Variants in CDIN1 observed in about 807,000 individuals in gnomAD.
CDIN1 encodes the protein CDAN1-interacting nuclease 1.
CDIN1 carries 33 observed loss-of-function variants against 45.3 expected under a neutral mutation model. The ratio of observed to expected loss-of-function variants is 0.73; its 90% CI spans 0.55 to 0.97. The LOEUF (loss-of-function observed/expected upper bound fraction) is 0.97. Ranked by LOEUF, CDIN1 falls within the 50% of genes least tolerant of loss-of-function variation. CDIN1 has a pLI of 0.00. For synonymous variants in CDIN1, 118 were observed against 124.4 expected (o/e 0.95, Z 0.34); for missense variants, 303 against 339.4 (o/e 0.89, Z 0.84).
At chr15:36,639,372 A>G (rs2040018296) in intron 1 of CDIN1, among the ~76,000 whole-genome samples, 1 of 110,864 alleles carries the variant, frequency 9.0e-6, no homozygotes, top group Non-Finnish European at 1.9e-5. Context: ...TTGGGAGGCC[A>G]AGGTGGGGGA....
chr15:36,680,064 C>T (rs1044228460), intron 5 of CDIN1, among the ~76,000 whole-genome samples: 1 of 152,176 alleles, frequency 6.6e-6, no homozygotes, highest in African/African-American at 2.4e-5. Flanking sequence ...GTCTTCTTTC[C>T]CAAGCTTGAT....
chr15:36,609,226 G>T (rs1309725425), intron 1 of CDIN1, among the ~76,000 whole-genome samples: 2 of 152,134 alleles, frequency 1.3e-5, no homozygotes, highest in African/African-American at 4.8e-5. Context: ...TTGTTATCCA[G>T]GCTGGTCATA....
intron 10 of CDIN1, chr15:36,798,628 C>T (rs1566981893): frequency 6.6e-6 from 1 of 152,106 alleles, no homozygotes; most frequent in East Asian, 1.9e-4. Context: ...TTTAAGCAGA[C>T]TTTTATATAT....
chr15:36,685,285 G>C (rs1014665618), intron 5 of CDIN1, among the ~76,000 whole-genome samples: 45 of 151,874 alleles, frequency 3.0e-4, no homozygotes, highest in Non-Finnish European at 5.0e-4. Context: ...TTGTGTCTTT[G>C]TTCTCGTTGG....
In CDIN1 at chr15:36,729,861, T is replaced by C. The variant is rs144124298; in HGVS notation, c.716+19900T>C. On this transcript the variant is annotated intron_variant, in intron 10 of 10. Transcript: ENST00000566621. ...ATTTAGGCTAGATGACTGGTAGTAC[T>C]TATCAAAACTAATGCTATCTGAAGT... 5.7e-3 allele frequency among the ~76,000 whole-genome samples: 861 copies of C among 152,316 alleles called. 2 individuals are homozygous for C. Among genetic ancestry groups the C allele is most frequent in the Non-Finnish European group, 9.8e-3 (669 of 68,014 alleles).
At chr15:36,631,649 C>T (rs539538860) in intron 1 of CDIN1, among the ~76,000 whole-genome samples, 1 of 152,248 alleles carries the variant, frequency 6.6e-6, no homozygotes, top group Non-Finnish European at 1.5e-5. Context: ...TTGATCCATT[C>T]ATCAGCTGAT....
At chr15:36,636,659 G>C (rs1212950943) in intron 1 of CDIN1, among the ~76,000 whole-genome samples, 2 of 152,200 alleles carry the variant, frequency 1.3e-5, no homozygotes, top group African/African-American at 4.8e-5. Flanking sequence ...TGAGTAAGCA[G>C]AGATATATGC....
At chr15:36,618,761 C>CAAGAAAAA in intron 1 of CDIN1, 1 of 614,332 alleles carries the variant, frequency 1.6e-6, no homozygotes, top group Non-Finnish European at 2.8e-6. Context: ...ACAACTCAGC[C>CAAGAAAAA]AAAAAAAAAA....
intron 1 of CDIN1, among the ~76,000 whole-genome samples, chr15:36,594,554 T>A (rs2037727124): frequency 6.6e-6 from 1 of 152,208 alleles, no homozygotes; most frequent in Non-Finnish European, 1.5e-5. Context: ...CACAATAAAT[T>A]GCTGAATATA....
chr15:36,719,351 C>T (rs1220925387), intron 10 of CDIN1, among the ~76,000 whole-genome samples: 3 of 152,122 alleles, frequency 2.0e-5, no homozygotes, highest in African/African-American at 7.2e-5. Context: ...GGATTTTTGT[C>T]AAATGCTGTT....
chr15:36,716,204 C>T (rs1375167770), intron 10 of CDIN1, among the ~76,000 whole-genome samples: 1 of 152,102 alleles, frequency 6.6e-6, no homozygotes, highest in Admixed American at 6.6e-5. Flanking sequence ...GTATATTGAC[C>T]AGTTTCACAA....
chr15:36,648,358 TTCA>T (rs1188933921), intron 3 of CDIN1, among the ~76,000 whole-genome samples: 2 of 152,018 alleles, frequency 1.3e-5, no homozygotes, highest in African/African-American at 4.8e-5. Context: ...ATTGCCTTAT[TTCA>T]TCATATGAAA....
At chr15:36,683,361 C>T (rs2041923147) in intron 5 of CDIN1, among the ~76,000 whole-genome samples, 1 of 122,842 alleles carries the variant, frequency 8.1e-6, no homozygotes, top group Non-Finnish European at 1.7e-5. Flanking sequence ...TTGTTTTTGT[C>T]AGGTTTGTCA....
rs116230684 is a variant in CDIN1, at chr15:36,711,297, C to T, written c.716+1336C>T. On this transcript the variant is annotated intron_variant, in intron 10 of 10. Transcript: ENST00000566621. ...TAAGCTCAATCAGTAGGGAGGCAGA[C>T]TGTTTCCCCAGCTTTGGTACCAGTC... Among the ~76,000 whole-genome samples the T allele has an allele frequency of 9.3e-3, 1,417 of 152,234 alleles. 18 individuals carry two copies. Among genetic ancestry groups the T allele is most frequent in the African/African-American group, 0.033 (1,362 of 41,548 alleles).
chr15:36,667,695 A>AT (rs757195644), intron 5 of CDIN1, among the ~76,000 whole-genome samples: 3 of 152,168 alleles, frequency 2.0e-5, no homozygotes, highest in Admixed American at 6.5e-5. Flanking sequence ...ACGCTAATAT[A>AT]TTTAAGAATG....
rs576832956 is a variant in CDIN1 at position 36,638,682 on chromosome 15, G to A, written c.102-5596G>A. On this transcript the variant is annotated intron_variant, in intron 1 of 10. Transcript: ENST00000566621. ...AACATAAAAGAACAACATTTTTTAT[G>A]AAGTTAAAGAAAAACTGCAATTTGA... 2.2e-3 allele frequency among the ~76,000 whole-genome samples: 342 copies of A among 152,248 alleles called. 1 individual carries two copies. The highest frequency in any genetic ancestry group is 6.8e-3 in the Middle Eastern group (2 of 294).
chr15:36,647,544 T>A (rs937076740), intron 3 of CDIN1: 1 of 152,210 alleles, frequency 6.6e-6, no homozygotes, highest in Non-Finnish European at 1.5e-5. Flanking sequence ...GCTGTCTGAC[T>A]TTCTGCCCTG....
chr15:36,738,014 T>G (rs558433931), intron 10 of CDIN1, among the ~76,000 whole-genome samples: 31 of 152,258 alleles, frequency 2.0e-4, no homozygotes, highest in African/African-American at 7.5e-4. Flanking sequence ...CACCTTTTGG[T>G]TTTCTCCCAA....
At chr15:36,634,440 A>G (rs978930312) in intron 1 of CDIN1, among the ~76,000 whole-genome samples, 1 of 152,074 alleles carries the variant, frequency 6.6e-6, no homozygotes, top group Non-Finnish European at 1.5e-5. Context: ...ACAACAACAA[A>G]AAGTTTTATA....
Sources: allele counts gnomAD v4.1 joint callset (sites outside exome capture counted in the v4.1 genomes callset), GRCh38; gene constraint gnomAD v4.1.1; transcripts MANE v1.5; gene names NCBI Gene and HGNC (gene_info 2026-07-23, HGNC 2026-07-21).